The following SNAP25 variants were observed in gnomAD, a reference collection of about 807,000 sequenced individuals.
SNAP25 encodes the protein synaptosome associated protein 25.
SNAP25 carries 3 observed loss-of-function variants against 28.7 expected under a neutral mutation model. The ratio of observed to expected loss-of-function variants is 0.10; its 90% CI spans 0.05 to 0.27. The LOEUF is 0.27. Ranked by LOEUF, SNAP25 falls within the 10% of genes least tolerant of loss-of-function variation. SNAP25 has a pLI of 1.00. For missense variants in SNAP25, 117 were observed against 278.7 expected, an observed-to-expected ratio of 0.42 and a Z score of 4.13; for synonymous variants, 61 against 88.1, an observed-to-expected ratio of 0.69 and a Z score of 1.72.
intron 1 of SNAP25, among the ~76,000 whole-genome samples, chr20:10,242,265 T>C (rs1459615417): frequency 6.6e-6 from 1 of 152,182 alleles, no homozygotes; most frequent in Admixed American, 6.5e-5. Context: ...AGCTGGAGAC[T>C]AGCATCAGCT....
chr20:10,260,641 T>C (rs1343416365), intron 1 of SNAP25, among the ~76,000 whole-genome samples: 2 of 151,024 alleles, frequency 1.3e-5, no homozygotes, highest in Non-Finnish European at 2.9e-5. Flanking sequence ...CATGACAGAA[T>C]CAAGGAGCAA....
At chr20:10,282,150 AGGAAGGAAGGATGGAAG>A (rs2063788869) in intron 3 of SNAP25, among the ~76,000 whole-genome samples, 1 of 93,324 alleles carries the variant, frequency 1.1e-5, no homozygotes. Flanking sequence ...GAAGGAGGGA[AGGAAGGAAGGATGGAAG>A]GAAGGAAGGA....
chr20:10,262,625 G>A (rs564742910), intron 1 of SNAP25, among the ~76,000 whole-genome samples: 73 of 152,206 alleles, frequency 4.8e-4, no homozygotes, highest in Non-Finnish European at 7.1e-4. Context: ...AGTTGTCTTC[G>A]GTTGGATTCC....
chr20:10,269,881 C>A (rs961803908), intron 1 of SNAP25, among the ~76,000 whole-genome samples: 4 of 152,226 alleles, frequency 2.6e-5, no homozygotes, highest in Non-Finnish European at 5.9e-5. Context: ...ACAAGAACAG[C>A]TGGATTTGGC....
chr20:10,276,570 T>C (rs534514494), intron 2 of SNAP25, among the ~76,000 whole-genome samples: 1 of 152,320 alleles, frequency 6.6e-6, no homozygotes, highest in East Asian at 1.9e-4. Flanking sequence ...TTCCAACACA[T>C]GCCTTCATTG....
At chr20:10,240,424 T>C (rs2063005832) in intron 1 of SNAP25, among the ~76,000 whole-genome samples, 1 of 152,180 alleles carries the variant, frequency 6.6e-6, no homozygotes, top group Non-Finnish European at 1.5e-5. Context: ...TTCCCTAATA[T>C]CATAGCTAAT....
At position 10,274,204 on chromosome 20, in the gene SNAP25, G is replaced by A. The variant is rs917040366; in HGVS notation, c.-63-1225G>A. ...TCCTTGTACCTGTCATTTGTACCAT[G>A]TGGGATTTCAAGAGAGTAGCCAAGA... On this transcript the variant is annotated intron_variant, in intron 1 of 7. Transcript: ENST00000254976. Among the ~76,000 whole-genome samples, 4 of 152,146 alleles carry A rather than the reference G, an allele frequency of 2.6e-5. No individual in the cohort carries two copies. In the South Asian group the frequency reaches 6.2e-4, roughly 24 times the overall value.
chr20:10,277,501 T>C (rs761047222), intron 2 of SNAP25, among the ~76,000 whole-genome samples, 184 bp from the exon 3 acceptor site: 2 of 152,214 alleles, frequency 1.3e-5, no homozygotes, highest in African/African-American at 2.4e-5. Context: ...AATCTGATCA[T>C]GTAAAAAGCC....
At chr20:10,251,537 A>T (rs144932038) in intron 1 of SNAP25, among the ~76,000 whole-genome samples, 2,087 of 152,348 alleles carry the variant, frequency 0.014, 54 homozygotes, top group African/African-American at 0.046. Flanking sequence ...AAGCATTTTC[A>T]TCAGGCATGC....
intron 1 of SNAP25, among the ~76,000 whole-genome samples, chr20:10,248,926 C>G (rs1568587454): frequency 1.3e-5 from 2 of 152,198 alleles, no homozygotes; most frequent in Non-Finnish European, 2.9e-5. Flanking sequence ...TCATCAACCA[C>G]TCTGCGAATA....
Position 10,226,097 on chromosome 20 carries a change from G to A in SNAP25, c.-64+7120G>A, listed in dbSNP as rs566264692. ...GTACAGTTTCAAAGAATAATAACTG[G>A]CAAATTCCAAAACAGTGAATTTCTT... On this transcript the variant is annotated intron_variant, in intron 1 of 7. Coordinates refer to ENST00000254976, the MANE Select transcript of SNAP25 (RefSeq NM_130811.4). Among the ~76,000 whole-genome samples the A allele has an allele frequency of 2.8e-4, 42 of 152,154 alleles. No homozygotes were observed. The South Asian group carries it at 8.5e-3, about 31-fold the overall frequency.
At chr20:10,227,398 G>C (rs1356616939) in intron 1 of SNAP25, among the ~76,000 whole-genome samples, 1 of 152,118 alleles carries the variant, frequency 6.6e-6, no homozygotes, top group Non-Finnish European at 1.5e-5. Context: ...AGCGAATGGG[G>C]ATACCAGCTA....
chr20:10,246,724 A>C (rs757099129), intron 1 of SNAP25, among the ~76,000 whole-genome samples: 6 of 152,182 alleles, frequency 3.9e-5, no homozygotes, highest in Non-Finnish European at 7.3e-5. Context: ...TCAAGTGGAG[A>C]GAGAAGGACA....
intron 1 of SNAP25, among the ~76,000 whole-genome samples, chr20:10,240,765 A>G (rs1177770206): frequency 2.6e-5 from 4 of 152,154 alleles, no homozygotes; most frequent in Admixed American, 6.5e-5. Flanking sequence ...GCCTACATGC[A>G]TTGTTCTGAT....
At chr20:10,227,235 T>C (rs906218112) in intron 1 of SNAP25, among the ~76,000 whole-genome samples, 11 of 152,136 alleles carry the variant, frequency 7.2e-5, no homozygotes, top group African/African-American at 2.7e-4. Context: ...CCTTGTAAGA[T>C]TGATCACACT....
intron 1 of SNAP25, among the ~76,000 whole-genome samples, chr20:10,237,838 T>C (rs561495956): frequency 3.3e-5 from 5 of 152,280 alleles, no homozygotes; most frequent in Admixed American, 2.6e-4. Context: ...CACAGCAAGC[T>C]TCACCCCAAT....
chr20:10,292,899 G>A (rs1431916684), intron 4 of SNAP25: 2 of 1,606,648 alleles, frequency 1.2e-6, no homozygotes, highest in Non-Finnish European at 8.5e-7. Context: ...CGATCGTGTC[G>A]AAGAAGGCAT....
chr20:10,254,898 G>A (rs1014738669), intron 1 of SNAP25, among the ~76,000 whole-genome samples: 3 of 152,118 alleles, frequency 2.0e-5, no homozygotes, highest in Non-Finnish European at 2.9e-5. Context: ...TTGGCCTCAG[G>A]GAAAATCTCT....
chr20:10,287,202 A>T (rs2063896626), intron 4 of SNAP25, among the ~76,000 whole-genome samples: 1 of 152,060 alleles, frequency 6.6e-6, no homozygotes, highest in African/African-American at 2.4e-5. Flanking sequence ...AAAAGAAACT[A>T]CCATCAGAGT....
Sources: gnomAD v4.1 joint callset for allele counts (sites outside exome capture counted in the v4.1 genomes callset) on GRCh38, gnomAD v4.1.1 for gene constraint, MANE v1.5 for transcripts, NCBI Gene and HGNC (gene_info 2026-07-23, HGNC 2026-07-21) for gene names.